The following GREB1 variants were observed in gnomAD, a reference collection of about 807,000 sequenced individuals.
GREB1 encodes the protein protein GREB1.
Under a neutral mutation model 200.7 loss-of-function variants are expected in GREB1, and 106 were observed. That is an observed-to-expected ratio of 0.53 (90% CI 0.45 to 0.62). The LOEUF (loss-of-function observed/expected upper bound fraction) is 0.62. Ranked by LOEUF, GREB1 falls within the 20% of genes least tolerant of loss-of-function variation. The pLI, the probability that GREB1 is intolerant of heterozygous loss-of-function variation, is 0.00. For synonymous variants in GREB1, 1,132 were observed against 1,092.4 expected (o/e 1.04, Z -0.72); for missense variants, 2,243 against 2,556.8 (o/e 0.88, Z 2.65).
At chr2:11,539,617 G>C (rs1674573597) in intron 1 of GREB1, among the ~76,000 whole-genome samples, 1 of 152,142 alleles carries the variant, frequency 6.6e-6, no homozygotes, top group Non-Finnish European at 1.5e-5. Flanking sequence ...CTTCCATGTA[G>C]TTTAAAAAGA....
chr2:11,610,451 C>T (rs749190774), intron 17 of GREB1, among the ~76,000 whole-genome samples: 22 of 152,190 alleles, frequency 1.4e-4, no homozygotes, highest in Admixed American at 9.8e-4. Flanking sequence ...GCTGGAAAAA[C>T]GTAATAACAA....
intron 17 of GREB1, among the ~76,000 whole-genome samples, chr2:11,606,350 G>A (rs79875538): frequency 0.019 from 2,911 of 152,276 alleles, 98 homozygotes; most frequent in African/African-American, 0.067. Flanking sequence ...GGTATGGTCA[G>A]TATTTTAAAT....
intron 7 of GREB1, among the ~76,000 whole-genome samples, chr2:11,582,547 AG>A (rs1462069909): frequency 6.6e-6 from 1 of 152,186 alleles, no homozygotes. Flanking sequence ...TCTGTGCAGG[AG>A]GGCCCCCTGT....
chr2:11,571,949 G>T (rs13028479), intron 4 of GREB1, among the ~76,000 whole-genome samples: 63,019 of 151,930 alleles, frequency 0.41, 16,122 homozygotes, highest in South Asian at 0.58. Flanking sequence ...CTGACCTCCT[G>T]CTCCGCCTGC....
At chr2:11,495,196 T>G (rs561146673) in intron 1 of GREB1, among the ~76,000 whole-genome samples, 8 of 152,284 alleles carry the variant, frequency 5.3e-5, no homozygotes, top group African/African-American at 1.9e-4. Flanking sequence ...AGATTGGTGG[T>G]TTTACACCAC....
At chr2:11,617,497 C>T (rs977920985) in intron 21 of GREB1, among the ~76,000 whole-genome samples, 1 of 152,260 alleles carries the variant, frequency 6.6e-6, no homozygotes, top group Non-Finnish European at 1.5e-5. Context: ...CTTTTGCACA[C>T]ATTTTCACTT....
intron 17 of GREB1, among the ~76,000 whole-genome samples, chr2:11,606,370 T>G (rs1682293316): frequency 6.6e-6 from 1 of 152,234 alleles, no homozygotes; most frequent in Admixed American, 6.5e-5. Context: ...TTTTATTCAT[T>G]CTAATAGGTA....
At chr2:11,592,097 A>G in intron 10 of GREB1, 1 of 982,284 alleles carries the variant, frequency 1.0e-6, no homozygotes, top group Non-Finnish European at 1.2e-6. Flanking sequence ...ACCTGTCTAT[A>G]CCACCGTAGT....
At chr2:11,631,159 T>C (rs1684844506) in intron 26 of GREB1, among the ~76,000 whole-genome samples, 1 of 152,234 alleles carries the variant, frequency 6.6e-6, no homozygotes, top group Non-Finnish European at 1.5e-5. Context: ...ACCAGCTGCA[T>C]GCACAGTGTT....
At chr2:11,523,715 A>C (rs1354598652) in intron 1 of GREB1, among the ~76,000 whole-genome samples, 1 of 152,208 alleles carries the variant, frequency 6.6e-6, no homozygotes, top group Non-Finnish European at 1.5e-5. Context: ...CCTGGTTTTC[A>C]GTCTTTCTGA....
intron 4 of GREB1, among the ~76,000 whole-genome samples, chr2:11,572,792 TG>T (rs1176224660): frequency 1.3e-5 from 2 of 151,896 alleles, no homozygotes; most frequent in African/African-American, 4.8e-5. Context: ...GGTGGGTTTT[TG>T]GGAGGAGATG....
intron 20 of GREB1, 136 bp downstream of exon 20, chr2:11,615,426 C>T (rs1028786762): frequency 7.2e-6 from 5 of 689,828 alleles, no homozygotes; most frequent in Admixed American, 2.6e-5. Flanking sequence ...TGCTGGACAG[C>T]GGCTCTGGAT....
chr2:11,507,040 A>G (rs1391923276), intron 1 of GREB1, among the ~76,000 whole-genome samples: 1 of 152,266 alleles, frequency 6.6e-6, no homozygotes, highest in Non-Finnish European at 1.5e-5. Context: ...AAATTAAAAC[A>G]GAAATAATCC....
At position 11,580,649 on chromosome 2, in the gene GREB1, C is replaced by T; in HGVS notation, c.773-55C>T. The T allele has an allele frequency of 1.3e-6, 2 of 1,541,938 alleles. No individual in the cohort carries two copies. Among genetic ancestry groups the T allele is most frequent in the Admixed American group, 3.9e-5 (2 of 51,138 alleles). ...GGAAAATGATTTCCTCCTTGCCTGG[C>T]TCCCAGGGCATTCTTGTGAACTGAC... is the stretch of plus-strand genomic sequence containing the variant. On this transcript the variant is annotated intron_variant, in intron 6 of 32. Coordinates refer to ENST00000381486, the MANE Select transcript of GREB1 (RefSeq NM_014668.4). The surrounding 1 kb of genome is among the most constrained non-coding windows in gnomAD (Gnocchi z 4.5).
chr2:11,535,814 G>T (rs1674266740), intron 1 of GREB1, among the ~76,000 whole-genome samples: 1 of 152,164 alleles, frequency 6.6e-6, no homozygotes, highest in Non-Finnish European at 1.5e-5. Flanking sequence ...CCCACTTCCT[G>T]ACCGTGCCCA....
chr2:11,526,406 C>A (rs575568240), intron 1 of GREB1, among the ~76,000 whole-genome samples: 1 of 152,248 alleles, frequency 6.6e-6, no homozygotes, highest in East Asian at 1.9e-4. Flanking sequence ...TACTTAATAT[C>A]TATAAGCCTT....
At chr2:11,513,724 C>A (rs1277985129) in intron 1 of GREB1, among the ~76,000 whole-genome samples, 1 of 152,092 alleles carries the variant, frequency 6.6e-6, no homozygotes, top group Non-Finnish European at 1.5e-5. Context: ...TAATAACTCA[C>A]ATTTATTTAG....
Position 11,562,526 on chromosome 2 carries a change from GC to G in GREB1, c.227del (p.Pro76GlnfsTer100). 6.2e-7 allele frequency: 1 copy of G among 1,605,212 alleles called. No homozygotes were observed. The highest frequency in any genetic ancestry group is 8.5e-7 in the Non-Finnish European group (1 of 1,176,008). ...GGAGAAGGAGGGCTGGAAACAAATG[GC>G]CCCCCAAACCCTTTCCAGCTGCACC... ...EEGEGGLETN[G>X]PPNPFQLHPL... On this transcript the variant is annotated frameshift_variant, in exon 3 of 33. Transcript: ENST00000381486. LOFTEE classifies it high-confidence loss of function.
At chr2:11,505,917 T>C (rs1673171657) in intron 1 of GREB1, among the ~76,000 whole-genome samples, 2 of 152,078 alleles carry the variant, frequency 1.3e-5, no homozygotes, top group South Asian at 2.1e-4. Context: ...AGGCATGCTG[T>C]AAATAAATAT....
Sources: allele counts gnomAD v4.1 joint callset (sites outside exome capture counted in the v4.1 genomes callset), GRCh38; gene constraint gnomAD v4.1.1; non-coding constraint Gnocchi (gnomAD v3.1); transcripts MANE v1.5; gene names NCBI Gene and HGNC (gene_info 2026-07-23, HGNC 2026-07-21).